MYO3A: variants seen among roughly 807,000 people sequenced by gnomAD.
MYO3A encodes the protein myosin IIIA.
MYO3A carries 180 observed loss-of-function variants against 192.7 expected under a neutral mutation model. That is an observed-to-expected ratio of 0.93 (90% CI 0.83 to 1.06). MYO3A has a LOEUF of 1.06. MYO3A is among the 50% of genes least tolerant of loss of function. MYO3A has a pLI of 0.00. For missense variants in MYO3A, 1,896 were observed against 1,905.0 expected, an observed-to-expected ratio of 1.00 and a Z score of 0.09; for synonymous variants, 628 against 645.3, an observed-to-expected ratio of 0.97 and a Z score of 0.41.
At chr10:25,945,215 G>T (rs1463462490) in intron 2 of MYO3A, among the ~76,000 whole-genome samples, 1 of 151,020 alleles carries the variant, frequency 6.6e-6, no homozygotes, top group Non-Finnish European at 1.5e-5. Context: ...ATTACATTTT[G>T]ATCATAAAGG....
chr10:26,096,723 T>C (rs1199239873), intron 17 of MYO3A, 41 bp downstream of exon 17: 1 of 1,327,422 alleles, frequency 7.5e-7, no homozygotes, highest in African/African-American at 1.4e-5. Flanking sequence ...GAAAGTATCT[T>C]TTTATCATCA....
rs372064073 is a variant in MYO3A at position 25,936,234 on chromosome 10, AT to A, written c.-18+414del. Among the ~76,000 whole-genome samples, 1,151 of 149,372 alleles carry A rather than the reference AT, an allele frequency of 7.7e-3. 11 individuals carry two copies. Among genetic ancestry groups the A allele is most frequent in the African/African-American group, 0.027 (1,093 of 40,880 alleles). ...TTTTCGACTGCATCTTTATAGCCTA[AT>A]TTTTTTTTTGCATATATTCTTTGAA... On this transcript the variant is annotated intron_variant, in intron 2 of 34. Coordinates refer to ENST00000642920, the MANE Select transcript of MYO3A (RefSeq NM_017433.5).
At chr10:26,116,484 A>T (rs192655689) in intron 17 of MYO3A, among the ~76,000 whole-genome samples, 2 of 152,292 alleles carry the variant, frequency 1.3e-5, no homozygotes, top group East Asian at 3.9e-4. Flanking sequence ...CAATGAGCCT[A>T]TTTCCAAATA....
chr10:26,068,441 A>C (rs911779813), intron 11 of MYO3A, among the ~76,000 whole-genome samples: 13 of 152,048 alleles, frequency 8.5e-5, no homozygotes, highest in African/African-American at 3.1e-4. Context: ...TTTTCTCTTT[A>C]CTTCGTTTTT....
At chr10:25,979,461 T>A (rs1458367951) in intron 4 of MYO3A, among the ~76,000 whole-genome samples, 1 of 151,402 alleles carries the variant, frequency 6.6e-6, no homozygotes, top group Non-Finnish European at 1.5e-5. Context: ...GTTGATAAAT[T>A]TGAATCACCC....
At chr10:26,125,656 A>G in intron 19 of MYO3A, 48 bp downstream of exon 19, 2 of 1,467,552 alleles carry the variant, frequency 1.4e-6, no homozygotes, top group Non-Finnish European at 1.9e-6. Context: ...CAGGTGATGT[A>G]AGTCTACTTT....
At chr10:26,195,632 A>C (rs943385920) in intron 32 of MYO3A, among the ~76,000 whole-genome samples, 1 of 152,136 alleles carries the variant, frequency 6.6e-6, no homozygotes, top group Non-Finnish European at 1.5e-5. Flanking sequence ...CTTCCTTCCC[A>C]GTAACCTGCA....
In MYO3A at chr10:26,026,525, A is replaced by G. The variant is rs768515710; in HGVS notation, c.946A>G (p.Lys316Glu). ...CCATCAATGCATGGGAGGCACAGAA[A>G]AGGCCAGGTAATCAAATAATATCTT... ...GIHQCMGGTE[K>E]ARRERIHTKK... The change falls in exon 10 of 35, where the codon AAG (lysine) becomes GAG (glutamate). Residue 316 changes from lysine (K) to glutamate (E), a missense_variant. Lys to Glu is a moderately conservative substitution (Grantham distance 56). Coordinates refer to ENST00000642920, the MANE Select transcript of MYO3A (RefSeq NM_017433.5). The G allele has an allele frequency of 1.3e-5, 21 of 1,614,026 alleles. No homozygotes were observed. The highest frequency in any genetic ancestry group is 1.7e-5 in the Admixed American group (1 of 60,014).
Position 26,168,710 on chromosome 10 carries a change from A to G in MYO3A, c.3112-2A>G. Reference sequence around the variant, plus strand: ...TCTTTGTATTATATTTTAATTTTTCAGGTGTTCCTTAAGTATTATCACGTG... The same window carrying G: ...TCTTTGTATTATATTTTAATTTTTCGGGTGTTCCTTAAGTATTATCACGTG... On this transcript the variant is annotated splice_acceptor_variant, in intron 27 of 34. Coordinates refer to ENST00000642920, the MANE Select transcript of MYO3A (RefSeq NM_017433.5). LOFTEE classifies it high-confidence loss of function. 3 of 1,611,950 alleles carry G rather than the reference A, an allele frequency of 1.9e-6. No homozygotes were observed. Among genetic ancestry groups the G allele is most frequent in the Middle Eastern group, 3.5e-4 (2 of 5,714 alleles).
Position 25,952,259 on chromosome 10 carries a change from A to G in MYO3A, c.149A>G (p.Lys50Arg). The change falls in exon 3 of 35, where the codon AAA becomes AGA. Residue 50 changes from lysine to arginine, a missense_variant. Physicochemically the swap from Lys to Arg is conservative, Grantham distance 26. Transcript: ENST00000642920. The part of the protein sequence containing the change: ...NKKNGQKAAV[K>R]ILDPIHDIDE... ...AAAAATGGCCAAAAAGCAGCAGTCA[A>G]AATTCTTGATCCAATTCACGTAAGT... 1 of 1,612,610 alleles carries G rather than the reference A, an allele frequency of 6.2e-7. No homozygotes were observed. The highest frequency in any genetic ancestry group is 8.5e-7 in the Non-Finnish European group (1 of 1,179,132).
chr10:25,943,223 T>C (rs1374978246), intron 2 of MYO3A, among the ~76,000 whole-genome samples: 1 of 152,096 alleles, frequency 6.6e-6, no homozygotes, highest in Non-Finnish European at 1.5e-5. Context: ...ATCATTTGAC[T>C]ATATTTCTGG....
At chr10:26,033,248 A>G (rs1395531550) in intron 10 of MYO3A, among the ~76,000 whole-genome samples, 1 of 151,508 alleles carries the variant, frequency 6.6e-6, no homozygotes, top group South Asian at 2.1e-4. Context: ...TAATTTTTGT[A>G]TTTTGTTTTT....
chr10:26,146,070 A>C (rs1324295928), intron 22 of MYO3A, among the ~76,000 whole-genome samples: 1 of 152,168 alleles, frequency 6.6e-6, no homozygotes, highest in African/African-American at 2.4e-5. Flanking sequence ...GTACAGTCAG[A>C]TAACTGAGCT....
rs1330375598 is a variant in MYO3A, at chr10:26,021,634, C to T, written c.717C>T (p.Leu239=). The change falls in exon 8 of 35, where the codon CTC becomes CTT. Residue 239 remains leucine, a synonymous_variant. Coordinates refer to ENST00000642920, the MANE Select transcript of MYO3A (RefSeq NM_017433.5). The part of the protein sequence containing the change: ...PLADLHPMRA[L]FKIPRNPPPK... ...CTGACCTTCATCCCATGAGAGCACT[C>T]TTCAAAATACCAAGGTCAGATGACT... The T allele has an allele frequency of 6.2e-7, 1 of 1,614,088 alleles. No homozygotes were observed.
chr10:26,046,549 T>C (rs1263890731), intron 10 of MYO3A, among the ~76,000 whole-genome samples: 1 of 152,188 alleles, frequency 6.6e-6, no homozygotes, highest in Non-Finnish European at 1.5e-5. Flanking sequence ...TTGTGCAACG[T>C]GGACACGTGG....
intron 6 of MYO3A, among the ~76,000 whole-genome samples, chr10:26,013,325 G>A (rs182950485): frequency 0.016 from 2,447 of 150,002 alleles, 44 homozygotes; most frequent in Non-Finnish European, 0.024. Context: ...AATAATCAAC[G>A]GAATAAACAG....
At chr10:25,954,268 G>T (rs893187227) in intron 3 of MYO3A, among the ~76,000 whole-genome samples, 1 of 151,984 alleles carries the variant, frequency 6.6e-6, no homozygotes, top group South Asian at 2.1e-4. Flanking sequence ...TCATATATAT[G>T]CGATTTTCTA....
chr10:26,096,542 T>G (rs1294970991), intron 16 of MYO3A, 26 bp from the exon 17 acceptor site: 1 of 1,595,844 alleles, frequency 6.3e-7, no homozygotes, highest in Non-Finnish European at 8.6e-7. Flanking sequence ...TTTAGACTTT[T>G]ATCCTTCCTT....
chr10:25,999,716 A>C (rs757491185), intron 6 of MYO3A, among the ~76,000 whole-genome samples: 1 of 152,172 alleles, frequency 6.6e-6, no homozygotes, highest in African/African-American at 2.4e-5. Context: ...GGCACCTCAT[A>C]CTCAGAATGT....
Sources: allele counts gnomAD v4.1 joint callset (sites outside exome capture counted in the v4.1 genomes callset), GRCh38; gene constraint gnomAD v4.1.1; transcripts MANE v1.5; gene names NCBI Gene and HGNC (gene_info 2026-07-23, HGNC 2026-07-21).